Variants in ZNF236 observed in about 807,000 individuals in gnomAD.
ZNF236 encodes the protein zinc finger protein 236, also known as regulated by glucose.
In ZNF236, 50 loss-of-function variants were observed where a neutral mutation model predicts 191.2. The ratio of observed to expected loss-of-function variants is 0.26; its 90% CI spans 0.21 to 0.33. ZNF236 has a LOEUF of 0.33. Ranked by LOEUF, ZNF236 falls within the 10% of genes least tolerant of loss-of-function variation. The pLI is 1.00. For missense variants in ZNF236, 1,754 were observed against 2,374.5 expected (o/e 0.74, Z 5.43); for synonymous variants, 907 against 928.8 (o/e 0.98, Z 0.43).
intron 1 of ZNF236, chr18:76,834,562 CTGGGGTGAATGCCTGTGTGCACAGT>C (rs1480755509): frequency 3.5e-5 from 17 of 488,330 alleles, no homozygotes; most frequent in Non-Finnish European, 5.2e-5. Context: ...AACCACCTTG[CTGGGGTGAATGCCTGTGTGCACAGT>C]TGGGGTGAAT....
intron 11 of ZNF236, among the ~76,000 whole-genome samples, chr18:76,904,006 A>G (rs1429248996): frequency 1.3e-5 from 2 of 150,124 alleles, no homozygotes; most frequent in Non-Finnish European, 2.9e-5. Context: ...TGTAGACTCC[A>G]TGTCAACAAA....
chr18:76,938,717 G>T (rs1338133894), intron 26 of ZNF236, among the ~76,000 whole-genome samples: 1 of 152,114 alleles, frequency 6.6e-6, no homozygotes, highest in African/African-American at 2.4e-5. Context: ...CTTCTGAGGT[G>T]ACCCAGGCGC....
At chr18:76,928,927 T>G (rs1967779954) in intron 25 of ZNF236, among the ~76,000 whole-genome samples, 1 of 151,444 alleles carries the variant, frequency 6.6e-6, no homozygotes, top group African/African-American at 2.4e-5. Flanking sequence ...ATTAGTTCAT[T>G]TAAGACTCGT....
At chr18:76,908,660 A>G (rs1967126298) in intron 14 of ZNF236, 87 bp downstream of exon 14, 2 of 1,492,382 alleles carry the variant, frequency 1.3e-6, no homozygotes, top group Non-Finnish European at 9.0e-7. Flanking sequence ...GGTGTCTCCC[A>G]TCACTGACTT....
At chr18:76,962,716 G>A (rs1300461605) in intron 30 of ZNF236, among the ~76,000 whole-genome samples, 1 of 152,134 alleles carries the variant, frequency 6.6e-6, no homozygotes, top group Non-Finnish European at 1.5e-5. Context: ...ATTTGTTTGG[G>A]TCATCTGTGA....
chr18:76,928,687 A>G (rs1967772085), intron 25 of ZNF236, among the ~76,000 whole-genome samples: 1 of 152,058 alleles, frequency 6.6e-6, no homozygotes, highest in Admixed American at 6.6e-5. Flanking sequence ...TCGCATTCTG[A>G]CTTTTCTCCT....
At chr18:76,904,325 A>T in intron 11 of ZNF236, 55 bp from the exon 12 acceptor site, 1 of 1,498,282 alleles carries the variant, frequency 6.7e-7, no homozygotes, top group Non-Finnish European at 8.9e-7. Flanking sequence ...TGTGACATTT[A>T]ATTGTATTAC....
rs1599376991 is a variant in ZNF236, at chr18:76,899,924, T to C, written c.1894+702T>C. On this transcript the variant is annotated intron_variant, in intron 11 of 30. Coordinates refer to ENST00000320610, the MANE Select transcript of ZNF236 (RefSeq NM_001306089.2). Reference sequence around the variant, plus strand: ...AGTCCAAGATCATGGTGCTGGCAGATTGAGTGTCTAGTGAGGTCTCTCTTC... The same window carrying C: ...AGTCCAAGATCATGGTGCTGGCAGACTGAGTGTCTAGTGAGGTCTCTCTTC... Among the ~76,000 whole-genome samples, 3 of 152,310 alleles carry C rather than the reference T, an allele frequency of 2.0e-5. No individual in the cohort carries two copies. In the South Asian group the frequency reaches 6.2e-4, roughly 32 times the overall value.
rs914842556 is a variant in ZNF236 at position 76,960,454 on chromosome 18, T to C, written c.5243-225T>C. On this transcript the variant is annotated intron_variant, in intron 29 of 30. Transcript: ENST00000320610. The surrounding 1 kb of genome is among the most constrained non-coding windows in gnomAD (Gnocchi z 4.4). ...GGCTGCATCCACCGTGGCCCTTCCA[T>C]GGCTCTCTGATCCCTCCGCCCCATC... Among the ~76,000 whole-genome samples, 12 of 152,256 alleles carry C rather than the reference T, an allele frequency of 7.9e-5. No homozygotes were observed. The highest frequency in any genetic ancestry group is 1.8e-4 in the Non-Finnish European group (12 of 68,010).
rs766500139 is a variant in ZNF236, at chr18:76,925,294, C to T, written c.3767C>T (p.Pro1256Leu). Residue 1256 changes from proline to leucine, a missense_variant, in exon 22 of 31, where the codon CCG becomes CTG. By Grantham distance (98) the Pro-to-Leu change is moderately conservative (BLOSUM62 -3). Transcript: ENST00000320610. The surrounding 1 kb of genome is among the most constrained non-coding windows in gnomAD (Gnocchi z 5.7). ...LHTGAKPFKC[P>L]HCELRFRTSG... ...ACGGGAGCCAAGCCCTTCAAATGCC[C>T]GCATTGCGAGCTGCGTTTCCGTACC... is the stretch of plus-strand genomic sequence containing the variant. The T allele has an allele frequency of 1.2e-6, 2 of 1,614,046 alleles. No homozygotes were observed. The highest frequency in any genetic ancestry group is 1.3e-5 in the African/African-American group (1 of 74,916).
chr18:76,925,063 A>T lies in ZNF236; in HGVS notation c.3662-126A>T. 8 of 1,383,010 alleles carry T rather than the reference A, an allele frequency of 5.8e-6. No individual in the cohort carries two copies. Among genetic ancestry groups the T allele is most frequent in the East Asian group, 2.3e-5 (1 of 43,482 alleles). 85.7% of individuals were successfully genotyped at this position (1,383,010 alleles called of 1,614,324 possible). ...CCGTAACATCTTATAGGTGAAAGGG[A>T]TTCTCATTAAAGTACTTCCATCCAC... On this transcript the variant is annotated intron_variant, in intron 21 of 30. Coordinates refer to ENST00000320610, the MANE Select transcript of ZNF236 (RefSeq NM_001306089.2). The surrounding 1 kb of genome is among the most constrained non-coding windows in gnomAD (Gnocchi z 5.7).
At position 76,956,113 on chromosome 18, in the gene ZNF236, G is replaced by T; in HGVS notation, c.5043G>T (p.Val1681=). ...AAVLMHHSKE[V]HGRERIHGCP... ...TGCTCATGCACCACAGCAAGGAGGT[G>T]CATGGCCGGGAGCGCATCCACGGCT... is the stretch of plus-strand genomic sequence containing the variant. Residue 1681 remains valine (V), a synonymous_variant, in exon 28 of 31, where the codon GTG becomes GTT. Coordinates refer to ENST00000320610, the MANE Select transcript of ZNF236 (RefSeq NM_001306089.2). 1.3e-6 allele frequency: 2 copies of T among 1,580,794 alleles called. No individual in the cohort carries two copies. The highest frequency in any genetic ancestry group is 1.7e-6 in the Non-Finnish European group (2 of 1,164,198).
At chr18:76,886,162 T>G (rs1025672194) in intron 9 of ZNF236, 2 of 152,258 alleles carry the variant, frequency 1.3e-5, no homozygotes, top group Admixed American at 6.5e-5. Context: ...TGTTCTTCAG[T>G]AAGGACTGCT....
intron 9 of ZNF236, among the ~76,000 whole-genome samples, chr18:76,890,201 A>T (rs1285806107): frequency 1.3e-5 from 2 of 152,228 alleles, no homozygotes; most frequent in Non-Finnish European, 1.5e-5. Context: ...TTAACATTTT[A>T]CTACATTTGA....
Position 76,970,451 on chromosome 18 carries a change from TG to T in ZNF236, c.*2113del, listed in dbSNP as rs1968890088. The T allele has an allele frequency of 6.5e-6, 1 of 152,692 alleles. No individual in the cohort carries two copies. The highest frequency in any genetic ancestry group is 1.5e-5 in the Non-Finnish European group (1 of 68,046). The allele number at this position is 152,692 out of a possible 1,614,324, so 9.5% of individuals were successfully genotyped here. ...TTATTAGCAAACACAAGACATTTTA[TG>T]TATTATTTCGATTTACTTCCTAATT... On this transcript the variant is annotated 3_prime_UTR_variant, in exon 31 of 31. Coordinates refer to ENST00000320610, the MANE Select transcript of ZNF236 (RefSeq NM_001306089.2).
chr18:76,915,711 G>C lies in ZNF236; in HGVS notation c.3126G>C (p.Arg1042=). The C allele has an allele frequency of 6.2e-7, 1 of 1,614,120 alleles. No homozygotes were observed. The change falls in exon 19 of 31, where the codon CGG becomes CGC. Residue 1042 remains arginine (R), a synonymous_variant. Coordinates refer to ENST00000320610, the MANE Select transcript of ZNF236 (RefSeq NM_001306089.2). Reference sequence around the variant, plus strand: ...TCACCACCAATGGCAGCCTCACCCGGCACATGGCCACACATATGAGCATGA... The same window carrying C: ...TCACCACCAATGGCAGCCTCACCCGCCACATGGCCACACATATGAGCATGA... ...ASFTTNGSLT[R]HMATHMSMKP...
intron 27 of ZNF236, among the ~76,000 whole-genome samples, chr18:76,949,452 A>G (rs988243504): frequency 6.6e-6 from 1 of 152,180 alleles, no homozygotes; most frequent in African/African-American, 2.4e-5. Context: ...AATTTGACAG[A>G]TTAAATATAA....
rs745440121 is a variant in ZNF236, at chr18:76,968,248, A to G, written c.5453A>G (p.Gln1818Arg). 2 of 1,612,910 alleles carry G rather than the reference A, an allele frequency of 1.2e-6. No homozygotes were observed. The highest frequency in any genetic ancestry group is 2.7e-5 in the African/African-American group (2 of 74,924). Residue 1818 changes from glutamine (Q) to arginine (R), a missense_variant, in exon 31 of 31, where the codon CAG becomes CGG. Gln to Arg is a conservative substitution (Grantham distance 43). This residue lies in a region of ZNF236 where 606 missense variants were observed against 761.5 expected (regional missense o/e 0.80). Transcript: ENST00000320610. ...CAGGAGTCTGCAGGTCACCCGGAGCAGGACGGGGAGGAGCTGAGCCGGACC... is the reference window on the plus strand; with the variant it reads ...CAGGAGTCTGCAGGTCACCCGGAGCGGGACGGGGAGGAGCTGAGCCGGACC... ...ALQESAGHPE[Q>R]DGEELSRTLH...
In ZNF236 at chr18:76,970,917, C is replaced by G. The variant is rs968406965; in HGVS notation, c.*2578C>G. Among the ~76,000 whole-genome samples, 2 of 152,254 alleles carry G rather than the reference C, an allele frequency of 1.3e-5. No individual in the cohort carries two copies. Among genetic ancestry groups the G allele is most frequent in the Admixed American group, 6.5e-5 (1 of 15,288 alleles). On this transcript the variant is annotated 3_prime_UTR_variant, in exon 31 of 31. Coordinates refer to ENST00000320610, the MANE Select transcript of ZNF236 (RefSeq NM_001306089.2). ...GACTTTCAAAATCAGGGCATGGCTC[C>G]GCGACAGCGAGCCGTGGGCGTCAGC... is the stretch of plus-strand genomic sequence containing the variant.
Sources: gnomAD v4.1 joint callset for allele counts (sites outside exome capture counted in the v4.1 genomes callset) on GRCh38, gnomAD v4.1.1 for gene constraint, gnomAD v4.1.1 regional missense constraint, Gnocchi (gnomAD v3.1) non-coding constraint, MANE v1.5 for transcripts, NCBI Gene and HGNC (gene_info 2026-07-23, HGNC 2026-07-21) for gene names.